The following BNIP3 variants were observed in gnomAD, a reference collection of about 807,000 sequenced individuals.
BNIP3 encodes BCL2 interacting protein 3.
Under a neutral mutation model 23.9 loss-of-function variants are expected in BNIP3, and 16 were observed. The observed-to-expected ratio is 0.67, with a 90% CI of 0.45 to 1.01. The LOEUF is 1.01. BNIP3 is among the 50% of genes least tolerant of loss of function. The probability of loss-of-function intolerance (pLI) is 0.00; values close to 1 mark genes in which losing one functional copy is unlikely to be tolerated. For synonymous variants in BNIP3, 81 were observed against 89.3 expected (o/e 0.91, Z 0.53); for missense variants, 198 against 248.7 (o/e 0.80, Z 1.37).
chr10:131,974,876 A>G (rs2037067807), intron 1 of BNIP3, among the ~76,000 whole-genome samples: 3 of 152,220 alleles, frequency 2.0e-5, no homozygotes, highest in African/African-American at 7.2e-5. Flanking sequence ...ACCATTATAA[A>G]TAGAAACTGA....
At chr10:131,981,594 C>T (rs1416020593) in intron 1 of BNIP3, among the ~76,000 whole-genome samples, 167 bp downstream of exon 1, 1 of 152,224 alleles carries the variant, frequency 6.6e-6, no homozygotes, top group African/African-American at 2.4e-5. Context: ...CCCCGGGCTC[C>T]GCATGCCCGC....
At chr10:131,981,392 G>A (rs1025220049) in intron 1 of BNIP3, 5 of 327,602 alleles carry the variant, frequency 1.5e-5, no homozygotes, top group African/African-American at 1.1e-4. Flanking sequence ...CTGAACTACA[G>A]ACCGCGGAGG....
chr10:131,967,898 C>T lies in BNIP3; in HGVS notation c.*626G>A, dbSNP rs1365856399. On this transcript the variant is annotated 3_prime_UTR_variant, in exon 6 of 6. Coordinates refer to ENST00000368636, the MANE Select transcript of BNIP3 (RefSeq NM_004052.4). ...TCATCCAGGGTGATCACCTAATAAT[C>T]GGAGACTTAATTCCTTATAATGCAA... 3 of 152,202 alleles carry T rather than the reference C, an allele frequency of 2.0e-5. No individual in the cohort carries two copies. The highest frequency in any genetic ancestry group is 4.4e-5 in the Non-Finnish European group (3 of 68,058). The allele number at this position is 152,202 out of a possible 1,614,324, so 9.4% of individuals were successfully genotyped here. A position where few individuals can be genotyped will look rare whatever the true frequency, so the allele number is the denominator to read the frequency against.
chr10:131,981,818 G>T lies in BNIP3; in HGVS notation c.-12C>A. The T allele has an allele frequency of 6.8e-7, 1 of 1,460,986 alleles. No homozygotes were observed. The highest frequency in any genetic ancestry group is 9.0e-7 in the Non-Finnish European group (1 of 1,111,628). The allele number at this position is 1,460,986 out of a possible 1,614,324, so 90.5% of individuals were successfully genotyped here. On this transcript the variant is annotated 5_prime_UTR_variant, in exon 1 of 6. Coordinates refer to ENST00000368636, the MANE Select transcript of BNIP3 (RefSeq NM_004052.4). ...CCGTTCTGCGACATGGCGCCAGAGGGCAACTGCGGCGATCGGAGTCCGCGC... is the reference window on the plus strand; with the variant it reads ...CCGTTCTGCGACATGGCGCCAGAGGTCAACTGCGGCGATCGGAGTCCGCGC...
chr10:131,979,802 G>A (rs890697980), intron 1 of BNIP3, among the ~76,000 whole-genome samples: 1 of 152,262 alleles, frequency 6.6e-6, no homozygotes, highest in African/African-American at 2.4e-5. Context: ...GTTGGCCCCA[G>A]AGGGTACACT....
chr10:131,973,349 A>C lies in BNIP3; in HGVS notation c.198-231T>G, dbSNP rs112998244. The C allele has an allele frequency of 2.0e-3, 1,035 of 525,132 alleles. 7 individuals are homozygous for C. Among genetic ancestry groups the C allele is most frequent in the Middle Eastern group, 6.8e-3 (13 of 1,908 alleles). 32.5% of individuals were successfully genotyped at this position (525,132 alleles called of 1,614,324 possible). On this transcript the variant is annotated intron_variant, in intron 2 of 5. Transcript: ENST00000368636. The stretch of plus-strand genomic sequence containing the variant: ...GTCTTCCAGAGAAGACGCAGGGGCA[A>C]CTGGCAAGCAGCTGGCTTTGTCACC...
intron 1 of BNIP3, among the ~76,000 whole-genome samples, chr10:131,978,174 C>G (rs942198877): frequency 6.6e-6 from 1 of 152,194 alleles, no homozygotes; most frequent in Middle Eastern, 3.4e-3. Context: ...GTTCCTCCCC[C>G]TCCTCACTCA....
At chr10:131,973,341 C>G (rs573500853) in intron 2 of BNIP3, 5 of 534,276 alleles carry the variant, frequency 9.4e-6, no homozygotes, top group Middle Eastern at 5.1e-4. Context: ...AGAGAAGACG[C>G]AGGGGCAACT....
intron 1 of BNIP3, among the ~76,000 whole-genome samples, chr10:131,978,596 T>G (rs2037097045): frequency 6.6e-6 from 1 of 152,156 alleles, no homozygotes; most frequent in Admixed American, 6.5e-5. Flanking sequence ...AAGGCCACCC[T>G]ATGCCCTAAC....
At chr10:131,981,427 G>A (rs2037117844) in intron 1 of BNIP3, 1 of 374,282 alleles carries the variant, frequency 2.7e-6, no homozygotes, top group Non-Finnish European at 4.8e-6. Flanking sequence ...GAGGCTGTTC[G>A]GTCCAACTGC....
At chr10:131,975,779 G>A (rs2037074378) in intron 1 of BNIP3, among the ~76,000 whole-genome samples, 1 of 152,210 alleles carries the variant, frequency 6.6e-6, no homozygotes. Context: ...CTAACGAAAT[G>A]ATCACACAAA....
rs2036992590 is a variant in BNIP3 at position 131,968,641 on chromosome 10, G to A, written c.540-72C>T. On this transcript the variant is annotated intron_variant, in intron 5 of 5. Transcript: ENST00000368636. ...GAGACTGTGTTACAGCTGAAACAGG[G>A]TAGCTCACTGTGGTTAGAGCTTATG... 2.9e-6 allele frequency: 4 copies of A among 1,380,400 alleles called. No homozygotes were observed. In the East Asian group the frequency reaches 6.9e-5, roughly 24 times the overall value. The allele number at this position is 1,380,400 out of a possible 1,614,324, so 85.5% of individuals were successfully genotyped here. A position where few individuals can be genotyped will look rare whatever the true frequency, so the allele number is the denominator to read the frequency against.
At chr10:131,974,166 T>C (rs1356523357) in intron 1 of BNIP3, among the ~76,000 whole-genome samples, 1 of 152,270 alleles carries the variant, frequency 6.6e-6, no homozygotes, top group Non-Finnish European at 1.5e-5. Context: ...CCCCTGGGGC[T>C]GAGACCATGT....
chr10:131,970,662 G>C lies in BNIP3; in HGVS notation c.515C>G (p.Ser172Cys). ...LKVFLPSLLL[S>C]HLLAIGLGIY... ...CCCCAATCCGATGGCCAGCAAATGA[G>C]AGAGCAGCAGAGATGGAAGGAAAAC... is the stretch of plus-strand genomic sequence containing the variant. The change falls in exon 5 of 6, where the codon TCT (serine) becomes TGT (cysteine). Residue 172 changes from serine to cysteine, a missense_variant. Transcript: ENST00000368636. This position sits in a 1 kb window ranked among gnomAD's most constrained non-coding sequence, Gnocchi z 4.1. 6.2e-7 allele frequency: 1 copy of C among 1,614,156 alleles called. No individual in the cohort carries two copies. The highest frequency in any genetic ancestry group is 8.5e-7 in the Non-Finnish European group (1 of 1,180,024).
intron 3 of BNIP3, 57 bp from the exon 4 acceptor site, chr10:131,971,027 C>T (rs2037027590): frequency 6.7e-7 from 1 of 1,496,876 alleles, no homozygotes; most frequent in Admixed American, 1.7e-5. Flanking sequence ...CACGGGAAAG[C>T]ACCCAGCTCC....
At chr10:131,981,505 G>A (rs2037118425) in intron 1 of BNIP3, among the ~76,000 whole-genome samples, 1 of 152,202 alleles carries the variant, frequency 6.6e-6, no homozygotes. Flanking sequence ...GCTTTCCCGT[G>A]CGGTCCGACC....
Position 131,970,999 on chromosome 10 carries a change from T to A in BNIP3, c.283-29A>T. ...AGATAAAGTCAATGTTAAAGGCAGA[T>A]CAGTGTACCACACGTGACACGGGAA... On this transcript the variant is annotated intron_variant, in intron 3 of 5. Coordinates refer to ENST00000368636, the MANE Select transcript of BNIP3 (RefSeq NM_004052.4). This position sits in a 1 kb window ranked among gnomAD's most constrained non-coding sequence, Gnocchi z 4.1. The A allele has an allele frequency of 6.3e-7, 1 of 1,599,736 alleles. No homozygotes were observed. Among genetic ancestry groups the A allele is most frequent in the Non-Finnish European group, 8.5e-7 (1 of 1,171,380 alleles).
At chr10:131,979,747 G>A (rs2037104725) in intron 1 of BNIP3, among the ~76,000 whole-genome samples, 1 of 152,206 alleles carries the variant, frequency 6.6e-6, no homozygotes, top group South Asian at 2.1e-4. Flanking sequence ...GAGATAGAAA[G>A]GAACAGAATC....
intron 3 of BNIP3, 72 bp from the exon 4 acceptor site, chr10:131,971,042 C>A (rs909917201): frequency 1.4e-6 from 2 of 1,386,582 alleles, no homozygotes; most frequent in East Asian, 4.6e-5. Context: ...AGCTCCCACC[C>A]GAGCTTCAGA....
Sources: allele counts gnomAD v4.1 joint callset (sites outside exome capture counted in the v4.1 genomes callset), GRCh38; gene constraint gnomAD v4.1.1; non-coding constraint Gnocchi (gnomAD v3.1); transcripts MANE v1.5; gene names NCBI Gene and HGNC (gene_info 2026-07-23, HGNC 2026-07-21).